FRMPD4: variants seen among roughly 807,000 people sequenced by gnomAD.
FRMPD4 encodes FERM and PDZ domain containing 4.
In FRMPD4, 22 loss-of-function variants were observed where a neutral mutation model predicts 94.1. The ratio of observed to expected loss-of-function variants is 0.23; its 90% CI spans 0.17 to 0.33. The LOEUF (loss-of-function observed/expected upper bound fraction) is 0.33, where lower values mean the gene tolerates loss of function less well. Ranked by LOEUF, FRMPD4 falls within the 10% of genes least tolerant of loss-of-function variation. The pLI is 1.00. For synonymous variants in FRMPD4, 631 were observed against 548.6 expected, an observed-to-expected ratio of 1.15 and a Z score of -2.10; for missense variants, 1,111 against 1,339.9, an observed-to-expected ratio of 0.83 and a Z score of 2.67.
At chrX:11,918,132 A>G (rs2054035182) in intron 3 of FRMPD4, among the ~76,000 whole-genome samples, 1 of 112,563 alleles carries the variant, frequency 8.9e-6, no homozygotes, top group South Asian at 3.6e-4. Flanking sequence ...TTCACTTGAA[A>G]TCACTCCAAT....
intron 1 of FRMPD4, among the ~76,000 whole-genome samples, chrX:12,165,017 G>A (rs1179120859): frequency 4.5e-5 from 5 of 111,396 alleles, no homozygotes; most frequent in African/African-American, 1.6e-4. Context: ...CACTCTGATG[G>A]TAGTTTCTTT....
intron 3 of FRMPD4, among the ~76,000 whole-genome samples, chrX:11,966,036 T>C (rs1358743160): frequency 8.9e-6 from 1 of 111,971 alleles, no homozygotes; most frequent in African/African-American, 3.2e-5. Flanking sequence ...ATCTAAGACA[T>C]AAAAGTCACC....
intron 1 of FRMPD4, among the ~76,000 whole-genome samples, chrX:12,181,483 T>C (rs2056358027): frequency 8.9e-6 from 1 of 111,873 alleles, no homozygotes; most frequent in African/African-American, 3.2e-5. Flanking sequence ...GTTGTTGTTA[T>C]ACTTTGAGAT....
intron 1 of FRMPD4, among the ~76,000 whole-genome samples, chrX:12,225,722 T>C (rs1448805866): frequency 3.6e-5 from 4 of 112,260 alleles, no homozygotes; most frequent in Non-Finnish European, 7.5e-5. Context: ...TCTGGAGTAG[T>C]GTGACCTGAA....
At chrX:12,311,747 C>T (rs1470118967) in intron 1 of FRMPD4, among the ~76,000 whole-genome samples, 4 of 110,378 alleles carry the variant, frequency 3.6e-5, no homozygotes, top group Admixed American at 1.9e-4. Flanking sequence ...TTGTAACTTC[C>T]GTTGTTGCTG....
At chrX:12,469,546 C>T (rs1478649906) in intron 1 of FRMPD4, among the ~76,000 whole-genome samples, 2 of 111,730 alleles carry the variant, frequency 1.8e-5, no homozygotes, top group Admixed American at 9.5e-5. Flanking sequence ...TCACCGTGCC[C>T]GGCCTCCTTT....
intron 3 of FRMPD4, among the ~76,000 whole-genome samples, chrX:12,128,470 CA>C (rs2055520298): frequency 8.9e-6 from 1 of 111,820 alleles, no homozygotes; most frequent in Non-Finnish European, 1.9e-5. Context: ...GGGTCCTACC[CA>C]AAAAACCATT....
chrX:12,481,949 A>AAAAAAAAATAAAAAAT, intron 1 of FRMPD4, among the ~76,000 whole-genome samples: 1 of 89,851 alleles, frequency 1.1e-5, no homozygotes, highest in Non-Finnish European at 2.2e-5. Flanking sequence ...TCTCAAAAAA[A>AAAAAAAAATAAAAAAT]AAAAAAAAAA....
At chrX:11,904,221 C>T (rs934390289) in intron 3 of FRMPD4, among the ~76,000 whole-genome samples, 12 of 111,960 alleles carry the variant, frequency 1.1e-4, no homozygotes, top group African/African-American at 1.9e-4. Flanking sequence ...TGGTCATCAT[C>T]GGGTTTAAAG....
intron 2 of FRMPD4, among the ~76,000 whole-genome samples, chrX:12,500,621 G>A (rs2057909050): frequency 9.0e-6 from 1 of 110,718 alleles, no homozygotes; most frequent in Non-Finnish European, 1.9e-5. Context: ...GCTTCCCAAG[G>A]CTTTCCTAAG....
chrX:12,665,273 T>A (rs1170258445), intron 4 of FRMPD4, among the ~76,000 whole-genome samples: 1 of 111,029 alleles, frequency 9.0e-6, no homozygotes, highest in African/African-American at 3.3e-5. Flanking sequence ...AAACCCCATC[T>A]CTACTAAAAA....
chrX:12,380,157 C>T (rs1292259671), intron 1 of FRMPD4, among the ~76,000 whole-genome samples: 2 of 111,825 alleles, frequency 1.8e-5, no homozygotes, highest in African/African-American at 3.3e-5. Flanking sequence ...TTTTCCACTC[C>T]GTTTTGATTA....
chrX:12,232,993 A>G (rs2057030173), intron 1 of FRMPD4, among the ~76,000 whole-genome samples: 1 of 111,978 alleles, frequency 8.9e-6, no homozygotes, highest in Non-Finnish European at 1.9e-5. Context: ...TTTCAAATAT[A>G]GTTTATAGTC....
At chrX:12,407,105 T>C (rs1021831845) in intron 1 of FRMPD4, among the ~76,000 whole-genome samples, 7 of 111,455 alleles carry the variant, frequency 6.3e-5, no homozygotes, top group African/African-American at 2.3e-4. Context: ...CCTTGACTTA[T>C]CAGGATCTGG....
At chrX:12,089,482 A>G (rs2055136962) in intron 3 of FRMPD4, among the ~76,000 whole-genome samples, 1 of 111,892 alleles carries the variant, frequency 8.9e-6, no homozygotes, top group Non-Finnish European at 1.9e-5. Flanking sequence ...ATCTTTTTCA[A>G]TTTAACCATG....
intron 4 of FRMPD4, among the ~76,000 whole-genome samples, chrX:12,662,114 A>C (rs1204686690): frequency 5.4e-5 from 6 of 112,113 alleles, no homozygotes; most frequent in African/African-American, 1.6e-4. Flanking sequence ...TCTTATTTTC[A>C]TGAATAGTGA....
chrX:12,060,717 T>C (rs1346039927), intron 3 of FRMPD4, among the ~76,000 whole-genome samples: 1 of 111,433 alleles, frequency 9.0e-6, no homozygotes, highest in African/African-American at 3.3e-5. Flanking sequence ...TCCCCGTTCA[T>C]CTAACATCTC....
chrX:12,314,692 T>A (rs936228707), intron 1 of FRMPD4, among the ~76,000 whole-genome samples: 1 of 111,353 alleles, frequency 9.0e-6, no homozygotes, highest in Non-Finnish European at 1.9e-5. Context: ...GACTTTTTTT[T>A]AACTTGGTAA....
rs147133740 is a variant in FRMPD4, at chrX:11,920,179, G to A, written c.95+42161G>A. On this transcript the variant is annotated intron_variant, in intron 3 of 18. Coordinates refer to the FRMPD4 transcript ENST00000640291. ...AGATTCTGTATTGCTAGGACCAGGG[G>A]GAAAATAAGGGGGAAAAAAGCCCAA... Among the ~76,000 whole-genome samples, 568 of 111,749 alleles carry A rather than the reference G, an allele frequency of 5.1e-3. 3 individuals carry two copies. Among genetic ancestry groups the A allele is most frequent in the African/African-American group, 0.018 (547 of 30,742 alleles).
Sources: gnomAD v4.1 joint callset for allele counts (sites outside exome capture counted in the v4.1 genomes callset) on GRCh38, gnomAD v4.1.1 for gene constraint, MANE v1.5 for transcripts, NCBI Gene and HGNC (gene_info 2026-07-23, HGNC 2026-07-21) for gene names.